The following SYT17 variants were observed in gnomAD, a reference collection of about 807,000 sequenced individuals.
The protein encoded by SYT17 is synaptotagmin 17.
Under a neutral mutation model 46.7 loss-of-function variants are expected in SYT17, and 22 were observed. The ratio of observed to expected loss-of-function variants is 0.47; its 90% CI spans 0.34 to 0.67. The LOEUF (loss-of-function observed/expected upper bound fraction) is 0.67, where lower values mean the gene tolerates loss of function less well. Among genes scored for constraint, SYT17 ranks in the 30% least tolerant of loss-of-function variants. The pLI, the probability that SYT17 is intolerant of heterozygous loss-of-function variation, is 0.01. For missense variants in SYT17, 519 were observed against 612.8 expected (o/e 0.85, Z 1.62); for synonymous variants, 251 against 248.4 (o/e 1.01, Z -0.10).
intron 7 of SYT17, among the ~76,000 whole-genome samples, chr16:19,226,865 C>T (rs750271443): frequency 6.6e-6 from 1 of 152,186 alleles, no homozygotes; most frequent in Non-Finnish European, 1.5e-5. Flanking sequence ...AAAGCCCTGA[C>T]ACTTCATATT....
At chr16:19,198,456 A>G (rs1965338351) in intron 5 of SYT17, among the ~76,000 whole-genome samples, 1 of 152,210 alleles carries the variant, frequency 6.6e-6, no homozygotes, top group Non-Finnish European at 1.5e-5. Flanking sequence ...ACTCAATGTC[A>G]TTGATAATAA....
At chr16:19,184,565 T>G (rs1240230512) in intron 5 of SYT17, among the ~76,000 whole-genome samples, 1 of 148,962 alleles carries the variant, frequency 6.7e-6, no homozygotes, top group Non-Finnish European at 1.5e-5. Context: ...TTTTTGTATT[T>G]TTTTTTTTTT....
intron 7 of SYT17, among the ~76,000 whole-genome samples, chr16:19,247,934 G>A (rs1347990830): frequency 6.6e-6 from 1 of 152,118 alleles, no homozygotes; most frequent in Non-Finnish European, 1.5e-5. Flanking sequence ...AAAATAAAAA[G>A]CCAAGCCATG....
intron 3 of SYT17, among the ~76,000 whole-genome samples, chr16:19,176,646 GTGACTAGAGGGGAGGAAAT>G (rs1297066447): frequency 6.7e-6 from 1 of 150,294 alleles, no homozygotes; most frequent in Non-Finnish European, 1.5e-5. Context: ...TTGGGGTATT[GTGACTAGAGGGGAGGAAAT>G]TGACTAGAGA....
intron 5 of SYT17, among the ~76,000 whole-genome samples, chr16:19,204,427 G>A (rs1224711134): frequency 6.6e-6 from 1 of 152,064 alleles, no homozygotes; most frequent in African/African-American, 2.4e-5. Flanking sequence ...GAGGGCAGAG[G>A]GTGAGGGAGG....
intron 7 of SYT17, among the ~76,000 whole-genome samples, chr16:19,266,380 T>G (rs528431714): frequency 6.6e-6 from 1 of 152,340 alleles, no homozygotes; most frequent in Admixed American, 6.5e-5. Flanking sequence ...GCTGCTAAAC[T>G]TCCTACAGTC....
At position 19,180,797 on chromosome 16, in the gene SYT17, AATTG is replaced by A. The variant is rs149363394; in HGVS notation, c.331+262_331+265del. On this transcript the variant is annotated intron_variant, in intron 4 of 7. Coordinates refer to ENST00000355377, the MANE Select transcript of SYT17 (RefSeq NM_016524.4). ...ATTTTAAGTTTGATTGAATTGGCTG[AATTG>A]ATTAACATTGTCAGTGTATATCATT... 4.4e-3 allele frequency among the ~76,000 whole-genome samples: 668 copies of A among 152,358 alleles called. 5 individuals are homozygous for A. Among genetic ancestry groups the A allele is most frequent in the African/African-American group, 0.015 (608 of 41,580 alleles).
chr16:19,209,359 G>T (rs1477435831), intron 5 of SYT17, among the ~76,000 whole-genome samples: 1 of 152,158 alleles, frequency 6.6e-6, no homozygotes, highest in Non-Finnish European at 1.5e-5. Flanking sequence ...AAAGAAATGA[G>T]CAGGGTTTTC....
In SYT17 at chr16:19,183,667, C is replaced by T. The variant is rs746202746; in HGVS notation, c.471C>T (p.Phe157=). 3.2e-5 allele frequency: 51 copies of T among 1,614,074 alleles called. No individual in the cohort carries two copies. Among genetic ancestry groups the T allele is most frequent in the Admixed American group, 6.7e-5 (4 of 60,006 alleles). ...TYNPDDYFRK[F]EPHLYSLDSN... ...ACCCCGACGACTATTTCAGGAAGTT[C>T]GAACCCCACCTGTACTCCCTCGACT... The change falls in exon 5 of 8, where the codon TTC becomes TTT. Residue 157 remains phenylalanine, a synonymous_variant. Transcript: ENST00000355377. The surrounding 1 kb of genome is among the most constrained non-coding windows in gnomAD (Gnocchi z 5.6).
intron 2 of SYT17, chr16:19,172,997 G>T: frequency 1.7e-6 from 1 of 602,474 alleles, no homozygotes; most frequent in Non-Finnish European, 2.9e-6. Flanking sequence ...TACTTATTCC[G>T]TTTGATTATC....
chr16:19,229,044 GA>G (rs1966591509), intron 7 of SYT17, among the ~76,000 whole-genome samples: 2 of 152,156 alleles, frequency 1.3e-5, no homozygotes, highest in African/African-American at 2.4e-5. Flanking sequence ...AAAATGAAAA[GA>G]GGGGTAAAAT....
intron 5 of SYT17, among the ~76,000 whole-genome samples, chr16:19,186,415 T>C (rs1196916667): frequency 1.3e-5 from 2 of 152,046 alleles, no homozygotes; most frequent in African/African-American, 4.8e-5. Flanking sequence ...GCCCGGGAGT[T>C]TGAGGCTGCA....
At chr16:19,184,276 C>G in intron 5 of SYT17, 129 bp downstream of exon 5, 1 of 1,293,684 alleles carries the variant, frequency 7.7e-7, no homozygotes, top group Non-Finnish European at 1.0e-6. Context: ...ATTTTTGACT[C>G]ACAAGAGGTT....
Position 19,198,188 on chromosome 16 carries a change from C to T in SYT17, c.951+14041C>T, listed in dbSNP as rs542747123. ...ACCAGCTATTGTATATGAAATTGAC[C>T]AGTGTCATAAGTTAGAACCTCTGCC... On this transcript the variant is annotated intron_variant, in intron 5 of 7. Transcript: ENST00000355377. 3.3e-5 allele frequency among the ~76,000 whole-genome samples: 5 copies of T among 152,220 alleles called. No individual in the cohort carries two copies. In the South Asian group the frequency reaches 1.0e-3, roughly 32 times the overall value.
At chr16:19,260,903 C>T (rs1407585653) in intron 7 of SYT17, among the ~76,000 whole-genome samples, 1 of 152,146 alleles carries the variant, frequency 6.6e-6, no homozygotes, top group East Asian at 1.9e-4. Flanking sequence ...CAAATTTTAT[C>T]ACCAATTAGC....
At chr16:19,190,859 A>C (rs1964989277) in intron 5 of SYT17, among the ~76,000 whole-genome samples, 1 of 151,200 alleles carries the variant, frequency 6.6e-6, no homozygotes, top group African/African-American at 2.4e-5. Flanking sequence ...GATTGCCTCC[A>C]CCCAATGGAC....
At chr16:19,169,596 T>C (rs1396512537) in intron 1 of SYT17, among the ~76,000 whole-genome samples, 1 of 152,230 alleles carries the variant, frequency 6.6e-6, no homozygotes, top group Non-Finnish European at 1.5e-5. Context: ...ACATATCCCC[T>C]CATCGTGTCC....
At chr16:19,192,290 G>A (rs1052714700) in intron 5 of SYT17, among the ~76,000 whole-genome samples, 3 of 151,352 alleles carry the variant, frequency 2.0e-5, no homozygotes, top group South Asian at 2.1e-4. Context: ...GTGTGGTGGC[G>A]CATGCCTGTA....
chr16:19,256,437 A>AC (rs1968566447), intron 7 of SYT17, among the ~76,000 whole-genome samples: 1 of 128,978 alleles, frequency 7.8e-6, no homozygotes, highest in Non-Finnish European at 1.6e-5. Context: ...CCCCTCTTCA[A>AC]ACACACACAC....
Sources: allele counts gnomAD v4.1 joint callset (sites outside exome capture counted in the v4.1 genomes callset), GRCh38; gene constraint gnomAD v4.1.1; non-coding constraint Gnocchi (gnomAD v3.1); transcripts MANE v1.5; gene names NCBI Gene and HGNC (gene_info 2026-07-23, HGNC 2026-07-21).